The following PLSCR3 variants were observed in gnomAD, a reference collection of about 807,000 sequenced individuals.
The protein encoded by PLSCR3 is PL scramblase 3.
A neutral mutation model predicts 33.7 loss-of-function variants in PLSCR3; 17 were observed. That is an observed-to-expected ratio of 0.50 (90% CI 0.35 to 0.76). The LOEUF (loss-of-function observed/expected upper bound fraction) is 0.76, where lower values mean the gene tolerates loss of function less well. PLSCR3 is among the 30% of genes least tolerant of loss of function. PLSCR3 has a pLI of 0.01. For synonymous variants in PLSCR3, 166 were observed against 166.0 expected, an observed-to-expected ratio of 1.00 and a Z score of 0.00; for missense variants, 360 against 394.1, an observed-to-expected ratio of 0.91 and a Z score of 0.73.
At chr17:7,393,018 T>C (rs1406942485) in intron 5 of PLSCR3, 66 bp from the exon 6 acceptor site, 2 of 1,540,786 alleles carry the variant, frequency 1.3e-6, no homozygotes, top group Non-Finnish European at 1.8e-6. Context: ...TCTGTCTATT[T>C]GGCCCTCACT....
intron 6 of PLSCR3, 75 bp from the exon 7 acceptor site, chr17:7,390,870 C>T: frequency 1.4e-6 from 2 of 1,475,564 alleles, no homozygotes; most frequent in Non-Finnish European, 1.9e-6. Flanking sequence ...CTCATTCCCA[C>T]AGTCGCACGT....
intron 2 of PLSCR3, 105 bp from the exon 3 acceptor site, chr17:7,393,941 G>A: frequency 8.8e-7 from 1 of 1,131,016 alleles, no homozygotes; most frequent in Non-Finnish European, 1.3e-6. Context: ...GTGGTGGCAA[G>A]AGGCAGAGAA....
chr17:7,392,752 GT>G (rs770391307), intron 6 of PLSCR3, 38 bp downstream of exon 6: 1 of 1,598,592 alleles, frequency 6.3e-7, no homozygotes, highest in Non-Finnish European at 8.6e-7. Flanking sequence ...CATCATCTTG[GT>G]TTACGAAGGT....
chr17:7,393,404 C>T (rs754173187), intron 4 of PLSCR3, 40 bp from the exon 5 acceptor site: 1 of 1,612,252 alleles, frequency 6.2e-7, no homozygotes, highest in South Asian at 1.1e-5. Context: ...GAGCCTCGCG[C>T]GCCCAGGAGC....
chr17:7,391,856 T>C lies in PLSCR3; in HGVS notation c.669+935A>G, dbSNP rs1247474510. Among the ~76,000 whole-genome samples, 2 of 152,224 alleles carry C rather than the reference T, an allele frequency of 1.3e-5. No homozygotes were observed. The highest frequency in any genetic ancestry group is 2.9e-5 in the Non-Finnish European group (2 of 68,040). ...AAGTCTACTGGATTATACCTGTTGT[T>C]TCTCCCTTATCTGCACAAGCAATTA... On this transcript the variant is annotated intron_variant, in intron 6 of 7. Coordinates refer to ENST00000619711, the MANE Select transcript of PLSCR3 (RefSeq NM_020360.4). The surrounding 1 kb of genome is among the most constrained non-coding windows in gnomAD (Gnocchi z 4.1).
intron 6 of PLSCR3, 74 bp downstream of exon 6, chr17:7,392,717 T>A: frequency 7.1e-7 from 1 of 1,415,402 alleles, no homozygotes; most frequent in Non-Finnish European, 9.9e-7. Context: ...TTGACCTTAA[T>A]GTTAACTATC....
intron 6 of PLSCR3, 26 bp downstream of exon 6, chr17:7,392,765 C>G (rs779007432): frequency 1.2e-5 from 20 of 1,611,150 alleles, no homozygotes; most frequent in Non-Finnish European, 1.6e-5. Flanking sequence ...TACGAAGGTC[C>G]CAAGAGCCTC....
intron 5 of PLSCR3, 32 bp downstream of exon 5, chr17:7,393,112 G>GGCCCCCCCCCCCCCCCCCCCCCCC: frequency 8.0e-7 from 1 of 1,256,044 alleles, no homozygotes. Context: ...CCCCACCAAG[G>GGCCCCCCCCCCCCCCCCCCCCCCC]CCCGCCCTCC....
At chr17:7,393,886 T>C (rs761478484) in intron 2 of PLSCR3, 50 bp from the exon 3 acceptor site, 4 of 1,210,116 alleles carry the variant, frequency 3.3e-6, no homozygotes, top group Non-Finnish European at 4.6e-6. Context: ...CAAGGCCTCA[T>C]CCCCTTATTC....
At chr17:7,392,683 A>C in intron 6 of PLSCR3, 108 bp downstream of exon 6, 2 of 1,042,668 alleles carry the variant, frequency 1.9e-6, no homozygotes, top group South Asian at 2.5e-5. Context: ...GTCACAGTGG[A>C]TTTGGATTGA....
chr17:7,394,130 T>G lies in PLSCR3; in HGVS notation c.-20A>C. On this transcript the variant is annotated 5_prime_UTR_variant, in exon 2 of 8. Transcript: ENST00000619711. This position sits in a 1 kb window ranked among gnomAD's most constrained non-coding sequence, Gnocchi z 5.3. Reference sequence around the variant, plus strand: ...TGCCATGGGAGAAGGGCTGGGGTTTTCGAGATGATGGTGTCTGGGTGGCTT... The same window carrying G: ...TGCCATGGGAGAAGGGCTGGGGTTTGCGAGATGATGGTGTCTGGGTGGCTT... The G allele has an allele frequency of 6.2e-7, 1 of 1,612,760 alleles. No individual in the cohort carries two copies. The highest frequency in any genetic ancestry group is 8.5e-7 in the Non-Finnish European group (1 of 1,179,258).
In PLSCR3 at chr17:7,394,002, C is replaced by T; in HGVS notation, c.7+102G>A. ...GGTTCCCCGGAAGGAAGGGAGGGGCCCCACCCAGCCAGTCCGAGCACATTC... is the reference window on the plus strand; with the variant it reads ...GGTTCCCCGGAAGGAAGGGAGGGGCTCCACCCAGCCAGTCCGAGCACATTC... On this transcript the variant is annotated intron_variant, in intron 2 of 7. Transcript: ENST00000619711. This position sits in a 1 kb window ranked among gnomAD's most constrained non-coding sequence, Gnocchi z 5.3. 6.9e-7 allele frequency: 1 copy of T among 1,441,334 alleles called. No homozygotes were observed. Among genetic ancestry groups the T allele is most frequent in the Non-Finnish European group, 9.6e-7 (1 of 1,043,922 alleles). The allele number at this position is 1,441,334 out of a possible 1,614,324, so 89.3% of individuals were successfully genotyped here. A position where few individuals can be genotyped will look rare whatever the true frequency, so the allele number is the denominator to read the frequency against.
chr17:7,393,226 G>C lies in PLSCR3; in HGVS notation c.425C>G (p.Ala142Gly), dbSNP rs1384445539. ...GARRPLRVRLADPGDREVLRL... is the reference protein window; with the variant it reads ...GARRPLRVRLGDPGDREVLRL... ...CAGCACCTCACGGTCCCCGGGGTCG[G>C]CCAGGCGGACACGCAGCGGCCGGCG... Residue 142 changes from alanine to glycine, a missense_variant, in exon 5 of 8, where the codon GCC becomes GGC. Coordinates refer to ENST00000619711, the MANE Select transcript of PLSCR3 (RefSeq NM_020360.4). The C allele has an allele frequency of 5.1e-6, 8 of 1,578,714 alleles. No individual in the cohort carries two copies. The highest frequency in any genetic ancestry group is 5.1e-6 in the Non-Finnish European group (6 of 1,169,432).
intron 3 of PLSCR3, 23 bp from the exon 4 acceptor site, chr17:7,393,532 C>T: frequency 6.2e-7 from 1 of 1,614,116 alleles, no homozygotes; most frequent in Non-Finnish European, 8.5e-7. Context: ...GGGCGGCGCG[C>T]ACATCAGCTG....
In PLSCR3 at chr17:7,394,132, G is replaced by A; in HGVS notation, c.-22C>T. ...CCATGGGAGAAGGGCTGGGGTTTTC[G>A]AGATGATGGTGTCTGGGTGGCTTAG... On this transcript the variant is annotated 5_prime_UTR_variant, in exon 2 of 8. Transcript: ENST00000619711. This position sits in a 1 kb window ranked among gnomAD's most constrained non-coding sequence, Gnocchi z 5.3. 6.2e-7 allele frequency: 1 copy of A among 1,612,882 alleles called. No individual in the cohort carries two copies. The highest frequency in any genetic ancestry group is 1.1e-5 in the South Asian group (1 of 90,900).
Position 7,390,160 on chromosome 17 carries a change from G to C in PLSCR3, c.*225C>G, listed in dbSNP as rs1387399099. 2.0e-6 allele frequency: 1 copy of C among 503,834 alleles called. No individual in the cohort carries two copies. The highest frequency in any genetic ancestry group is 3.5e-6 in the Non-Finnish European group (1 of 283,000). The allele number at this position is 503,834 out of a possible 1,614,324, so 31.2% of individuals were successfully genotyped here. A position where few individuals can be genotyped will look rare whatever the true frequency, so the allele number is the denominator to read the frequency against. On this transcript the variant is annotated 3_prime_UTR_variant, in exon 8 of 8. Coordinates refer to ENST00000619711, the MANE Select transcript of PLSCR3 (RefSeq NM_020360.4). ...GAAAGCTGATATGCCTGTGTGCCGA[G>C]GGACTGCTGGGACAGTGGTGGGAGG...
Position 7,392,948 on chromosome 17 carries a change from T to C in PLSCR3, c.512A>G (p.Glu171Gly). Reference protein sequence around the residue: ...SCCPCGLQEMEVQAPPGTTIG... With the variant: ...SCCPCGLQEMGVQAPPGTTIG... ...GGTGGTGCCTGGTGGAGCCTGTACT[T>C]CCATCTGGGAGTGGGAAGCAGACAG... Residue 171 changes from glutamate to glycine, a missense_variant, in exon 6 of 8, where the codon GAA becomes GGA. Physicochemically the swap from Glu to Gly is moderately conservative, Grantham distance 98. Transcript: ENST00000619711. 6.2e-7 allele frequency: 1 copy of C among 1,610,688 alleles called. No homozygotes were observed. Among genetic ancestry groups the C allele is most frequent in the Non-Finnish European group, 8.5e-7 (1 of 1,177,728 alleles).
chr17:7,392,983 G>A (rs771595875), intron 5 of PLSCR3, 31 bp from the exon 6 acceptor site: 14 of 1,589,806 alleles, frequency 8.8e-6, no homozygotes, highest in Admixed American at 1.7e-5. Flanking sequence ...GGGTCACTGC[G>A]GAGGCAGGGG....
At chr17:7,393,013 C>G (rs1905851367) in intron 5 of PLSCR3, 61 bp from the exon 6 acceptor site, 3 of 1,543,834 alleles carry the variant, frequency 1.9e-6, no homozygotes, top group East Asian at 4.5e-5. Context: ...TATCATCTGT[C>G]TATTTGGCCC....
Sources: allele counts gnomAD v4.1 joint callset (sites outside exome capture counted in the v4.1 genomes callset), GRCh38; gene constraint gnomAD v4.1.1; non-coding constraint Gnocchi (gnomAD v3.1); transcripts MANE v1.5; gene names NCBI Gene and HGNC (gene_info 2026-07-23, HGNC 2026-07-21).